ARHGAP29: variants seen among roughly 807,000 people sequenced by gnomAD.
The protein encoded by ARHGAP29 is Rho GTPase activating protein 29.
A neutral mutation model predicts 122.6 loss-of-function variants in ARHGAP29; 43 were observed. The ratio of observed to expected loss-of-function variants is 0.35; its 90% confidence interval spans 0.27 to 0.45. The LOEUF (loss-of-function observed/expected upper bound fraction) is 0.45, where lower values mean the gene tolerates loss of function less well. ARHGAP29 is among the 20% of genes least tolerant of loss of function. The pLI, the probability that ARHGAP29 is intolerant of heterozygous loss-of-function variation, is 1.00. For synonymous variants in ARHGAP29, 506 were observed against 497.1 expected, an observed-to-expected ratio of 1.02 and a Z score of -0.24; for missense variants, 1,303 against 1,477.2, an observed-to-expected ratio of 0.88 and a Z score of 1.93.
chr1:94,256,242 T>A (rs1654341944), intron 1 of ARHGAP29, among the ~76,000 whole-genome samples: 1 of 136,322 alleles, frequency 7.3e-6, no homozygotes, highest in East Asian at 2.2e-4. Flanking sequence ...TTTTAAATAA[T>A]CCATTTTAAT....
chr1:94,247,714 A>C (rs1653872376), intron 1 of ARHGAP29, among the ~76,000 whole-genome samples: 1 of 150,578 alleles, frequency 6.6e-6, no homozygotes, highest in South Asian at 2.1e-4. Flanking sequence ...CACCACCACC[A>C]CCACCACCAC....
chr1:94,280,288 T>C, the ARHGAP29 span, among the ~76,000 whole-genome samples: 1 of 152,080 alleles, frequency 6.6e-6, no homozygotes, highest in African/African-American at 2.4e-5. Context: ...GTTCACTCAC[T>C]TTTCAATTCA....
chr1:94,260,342 C>A (rs938711613), intron 1 of ARHGAP29, among the ~76,000 whole-genome samples: 3 of 152,198 alleles, frequency 2.0e-5, no homozygotes, highest in African/African-American at 7.2e-5. Context: ...AGGGGCCCTG[C>A]CTCAAATCTG....
the ARHGAP29 span, among the ~76,000 whole-genome samples, chr1:94,304,134 C>G: frequency 6.6e-6 from 1 of 152,138 alleles, no homozygotes; most frequent in Non-Finnish European, 1.5e-5. Context: ...AAACTCTACC[C>G]ACCTTTTTTG....
upstream of ARHGAP29, among the ~76,000 whole-genome samples, chr1:94,238,275 G>C (rs886082656): frequency 6.6e-6 from 1 of 151,720 alleles, no homozygotes; most frequent in Non-Finnish European, 1.5e-5. Flanking sequence ...TGGCCAAGCT[G>C]GTCTCGAATT....
chr1:94,189,064 A>G (rs1649977960), intron 14 of ARHGAP29, 123 bp from the exon 15 acceptor site: 1 of 1,335,644 alleles, frequency 7.5e-7, no homozygotes, highest in Admixed American at 2.1e-5. Flanking sequence ...CAACGTTAAG[A>G]CAGGCACCAT....
At chr1:94,297,352 T>C in the ARHGAP29 span, among the ~76,000 whole-genome samples, 1 of 152,244 alleles carries the variant, frequency 6.6e-6, no homozygotes, top group East Asian at 1.9e-4. Context: ...ATATTTTATG[T>C]AATGGCTAAT....
the ARHGAP29 span, among the ~76,000 whole-genome samples, chr1:94,288,381 T>C: frequency 6.6e-6 from 1 of 152,266 alleles, no homozygotes; most frequent in Non-Finnish European, 1.5e-5. Flanking sequence ...AAGTTCTTTG[T>C]AGATTCTGGA....
At chr1:94,261,695 A>T (rs1313470310) in intron 1 of ARHGAP29, among the ~76,000 whole-genome samples, 1 of 152,314 alleles carries the variant, frequency 6.6e-6, no homozygotes, top group Non-Finnish European at 1.5e-5. Flanking sequence ...TACAGCTAAC[A>T]AGGGAGGTGA....
intron 1 of ARHGAP29, among the ~76,000 whole-genome samples, chr1:94,254,615 G>A (rs572100086): frequency 4.6e-5 from 7 of 152,196 alleles, no homozygotes; most frequent in South Asian, 2.1e-4. Flanking sequence ...AGCTCCATTC[G>A]GGAAAAATGA....
At position 94,188,939 on chromosome 1, in the gene ARHGAP29, G is replaced by T; in HGVS notation, c.1579C>A (p.Pro527Thr). ...RCSNSADITGPSFIRSWTFGM... is the reference protein window; with the variant it reads ...RCSNSADITGTSFIRSWTFGM... The stretch of plus-strand genomic sequence containing the variant: ...AATGTCCATGATCTTATAAAGGAAG[G>T]ACCTTTAATAAAAAGAATAAAGTCA... Residue 527 changes from proline to threonine, a missense_variant and splice_region_variant, in exon 15 of 23, where the codon CCT (proline) becomes ACT (threonine). Physicochemically the swap from Pro to Thr is conservative, Grantham distance 38. Coordinates refer to ENST00000260526, the MANE Select transcript of ARHGAP29 (RefSeq NM_004815.4). 6.2e-7 allele frequency: 1 copy of T among 1,611,420 alleles called. No homozygotes were observed. The highest frequency in any genetic ancestry group is 1.1e-5 in the South Asian group (1 of 90,796).
chr1:94,259,177 T>C (rs995664850), intron 1 of ARHGAP29, among the ~76,000 whole-genome samples: 1 of 152,198 alleles, frequency 6.6e-6, no homozygotes, highest in Non-Finnish European at 1.5e-5. Context: ...GTTCTTTTAC[T>C]AGGTGTCTGT....
chr1:94,230,074 T>A (rs1358747028), intron 2 of ARHGAP29, among the ~76,000 whole-genome samples: 1 of 151,772 alleles, frequency 6.6e-6, no homozygotes, highest in African/African-American at 2.4e-5. Context: ...TACATCACTT[T>A]AAATTTCACC....
In ARHGAP29 at chr1:94,202,624, A is replaced by G. The variant is rs1374777486; in HGVS notation, c.1063T>C (p.Ser355Pro). The G allele has an allele frequency of 3.7e-6, 6 of 1,614,082 alleles. No individual in the cohort carries two copies. In the Admixed American group the frequency reaches 5.0e-5, roughly 13 times the overall value. ...TTTTTTGCTAATCCGCCACTTGAAGACAGATGCTCCTCTTCTGCACGAAAC... is the reference window on the plus strand; with the variant it reads ...TTTTTTGCTAATCCGCCACTTGAAGGCAGATGCTCCTCTTCTGCACGAAAC... ...SMFRAEEEHL[S>P]SSGGLAKNLN... The change falls in exon 11 of 23, where the codon TCT becomes CCT. Residue 355 changes from serine to proline, a missense_variant. Ser to Pro is a moderately conservative substitution (Grantham distance 74). Around this residue, in one of 3 missense-constraint regions of ARHGAP29, gnomAD observed 592 missense variants for 648.2 expected, o/e 0.91. Coordinates refer to ENST00000260526, the MANE Select transcript of ARHGAP29 (RefSeq NM_004815.4).
At chr1:94,178,954 T>C (rs964712835) in intron 20 of ARHGAP29, among the ~76,000 whole-genome samples, 1 of 152,224 alleles carries the variant, frequency 6.6e-6, no homozygotes, top group Admixed American at 6.5e-5. Flanking sequence ...CCCACCAAGA[T>C]ACAACTTGGT....
chr1:94,211,591 C>G (rs1264838657), intron 3 of ARHGAP29, among the ~76,000 whole-genome samples: 1 of 152,030 alleles, frequency 6.6e-6, no homozygotes, highest in Non-Finnish European at 1.5e-5. Flanking sequence ...CCAAGATAGA[C>G]TATATTATGG....
chr1:94,236,839 G>A (rs1557881274), intron 1 of ARHGAP29, among the ~76,000 whole-genome samples: 1 of 152,146 alleles, frequency 6.6e-6, no homozygotes, highest in East Asian at 1.9e-4. Flanking sequence ...AGGAATGAGA[G>A]CCCAACTGGA....
At chr1:94,245,316 C>G (rs1247503582) in intron 1 of ARHGAP29, among the ~76,000 whole-genome samples, 1 of 152,002 alleles carries the variant, frequency 6.6e-6, no homozygotes, top group African/African-American at 2.4e-5. Flanking sequence ...TCATGATAGT[C>G]AAAAACAAAA....
chr1:94,286,923 A>G, the ARHGAP29 span, among the ~76,000 whole-genome samples: 1 of 152,174 alleles, frequency 6.6e-6, no homozygotes, highest in African/African-American at 2.4e-5. Flanking sequence ...GTGTCCTCCA[A>G]TTCAATTCCA....
Sources: gnomAD v4.1 joint callset for allele counts (sites outside exome capture counted in the v4.1 genomes callset) on GRCh38, gnomAD v4.1.1 for gene constraint, gnomAD v4.1.1 regional missense constraint, MANE v1.5 for transcripts, NCBI Gene and HGNC (gene_info 2026-07-23, HGNC 2026-07-21) for gene names.